The following ADGRL1 variants were observed in gnomAD, a reference collection of about 807,000 sequenced individuals.
ADGRL1 encodes adhesion G protein-coupled receptor L1, also known as CIRL-1.
Under a neutral mutation model 148.9 loss-of-function variants are expected in ADGRL1, and 31 were observed. The observed-to-expected ratio is 0.21, with a 90% CI of 0.16 to 0.28. The LOEUF is 0.28. Among genes scored for constraint, ADGRL1 ranks in the 10% least tolerant of loss-of-function variants. The pLI is 1.00. For synonymous variants in ADGRL1, 937 were observed against 900.3 expected, an observed-to-expected ratio of 1.04 and a Z score of -0.73; for missense variants, 1,521 against 2,058.8, an observed-to-expected ratio of 0.74 and a Z score of 5.05.
chr19:14,153,758 C>T (rs1197718684), intron 18 of ADGRL1, among the ~76,000 whole-genome samples: 4 of 150,686 alleles, frequency 2.7e-5, no homozygotes, highest in Non-Finnish European at 5.9e-5. Flanking sequence ...CGAGACCAGC[C>T]TGGGCAACAT....
rs765071246 is a variant in ADGRL1 at position 14,156,159 on chromosome 19, G to A, written c.3076C>T (p.Arg1026Ter). ...TCGGGCTTGAGCACAGATGAGCTTC[G>A]GATCATCTTGTGCAGGGTCACCATG... ...FLMVTLHKMI[R>*]SSSVLKPDSS... is the part of the protein sequence containing the mutation. Residue 1026 changes from arginine to a stop codon, truncating the protein, a stop_gained, in exon 17 of 23, where the codon CGA (arginine) becomes TGA (stop). Coordinates refer to ENST00000361434, the MANE Select transcript of ADGRL1 (RefSeq NM_014921.5). LOFTEE classifies it high-confidence loss of function. The A allele has an allele frequency of 6.2e-7, 1 of 1,612,644 alleles. No homozygotes were observed.
chr19:14,154,655 G>A (rs1018881847), intron 18 of ADGRL1, among the ~76,000 whole-genome samples: 7 of 151,894 alleles, frequency 4.6e-5, no homozygotes, highest in Admixed American at 2.6e-4. Context: ...TGCCCAGACT[G>A]GAGTGCAGTG....
chr19:14,163,502 G>GC, intron 4 of ADGRL1, 96 bp from the exon 5 acceptor site: 1 of 906,384 alleles, frequency 1.1e-6, no homozygotes, highest in South Asian at 1.8e-5. Context: ...GAGAGAGGGG[G>GC]GAGAGAGGCA....
chr19:14,150,606 C>T lies in ADGRL1; in HGVS notation c.*267G>A. 2.0e-6 allele frequency: 1 copy of T among 504,106 alleles called. No homozygotes were observed. Among genetic ancestry groups the T allele is most frequent in the Non-Finnish European group, 3.5e-6 (1 of 286,050 alleles). 31.2% of individuals were successfully genotyped at this position (504,106 alleles called of 1,614,324 possible). On this transcript the variant is annotated 3_prime_UTR_variant, in exon 23 of 23. Coordinates refer to ENST00000361434, the MANE Select transcript of ADGRL1 (RefSeq NM_014921.5). ...CCTTCCAAGTTCTCCCTCCTCACTC[C>T]CCTGGGGTCCTCTGGGCTCCTCCTC... is the stretch of plus-strand genomic sequence containing the variant.
chr19:14,153,741 A>G (rs988078098), intron 18 of ADGRL1, among the ~76,000 whole-genome samples: 2 of 150,344 alleles, frequency 1.3e-5, no homozygotes, highest in African/African-American at 4.9e-5. Flanking sequence ...ACCTGAGGTC[A>G]GGAGTTCGAG....
chr19:14,172,449 G>C (rs902062653), intron 3 of ADGRL1, among the ~76,000 whole-genome samples: 1 of 151,584 alleles, frequency 6.6e-6, no homozygotes, highest in African/African-American at 2.4e-5. Context: ...ACAAAAAATA[G>C]AACACTGGGG....
chr19:14,175,959 C>T (rs562068647), intron 3 of ADGRL1, among the ~76,000 whole-genome samples: 32 of 152,144 alleles, frequency 2.1e-4, no homozygotes, highest in Middle Eastern at 3.4e-3. Context: ...GAGGCTGAGG[C>T]GGGAGAATTG....
chr19:14,197,808 G>T (rs1599520965), intron 1 of ADGRL1, among the ~76,000 whole-genome samples: 1 of 152,136 alleles, frequency 6.6e-6, no homozygotes, highest in East Asian at 1.9e-4. Flanking sequence ...CCCAACCCTG[G>T]GCAAGGAGTG....
chr19:14,160,825 C>G lies in ADGRL1; in HGVS notation c.1511-129G>C. 1 of 695,216 alleles carries G rather than the reference C, an allele frequency of 1.4e-6. No homozygotes were observed. 43.1% of individuals were successfully genotyped at this position (695,216 alleles called of 1,614,324 possible). A position where few individuals can be genotyped will look rare whatever the true frequency, so the allele number is the denominator to read the frequency against. The stretch of plus-strand genomic sequence containing the variant: ...GGCGAAGAGGGAGGTGAGGGAAACA[C>G]GGAGAAACAGACATGAAGCGGGCTG... On this transcript the variant is annotated intron_variant, in intron 6 of 22. Coordinates refer to ENST00000361434, the MANE Select transcript of ADGRL1 (RefSeq NM_014921.5). The surrounding 1 kb of genome is among the most constrained non-coding windows in gnomAD (Gnocchi z 5.9).
In ADGRL1 at chr19:14,155,419, G is replaced by T. The variant is rs759614827; in HGVS notation, c.3234C>A (p.Thr1078=). 67 of 1,614,040 alleles carry T rather than the reference G, an allele frequency of 4.2e-5. No individual in the cohort carries two copies. Among genetic ancestry groups the T allele is most frequent in the Non-Finnish European group, 5.6e-5 (66 of 1,180,012 alleles). Residue 1078 remains threonine, a synonymous_variant, in exon 18 of 23, where the codon ACC becomes ACA. Coordinates refer to ENST00000361434, the MANE Select transcript of ADGRL1 (RefSeq NM_014921.5). This position sits in a 1 kb window ranked among gnomAD's most constrained non-coding sequence, Gnocchi z 5.0. ...KESVVMAYLF[T]TFNAFQGVFI... ...AGACCCCCTGGAAGGCGTTGAAGGT[G>T]GTGAAGAGATAGGCCATGACCACCG...
At chr19:14,183,010 C>T (rs939718821) in intron 2 of ADGRL1, among the ~76,000 whole-genome samples, 4 of 151,936 alleles carry the variant, frequency 2.6e-5, no homozygotes, top group African/African-American at 7.3e-5. Flanking sequence ...GGGCTGGTCA[C>T]GGGGCCAGTA....
chr19:14,205,693 G>A (rs1283109774), intron 1 of ADGRL1, among the ~76,000 whole-genome samples: 1 of 151,310 alleles, frequency 6.6e-6, no homozygotes, highest in African/African-American at 2.4e-5. Flanking sequence ...GCACACTCGC[G>A]GTCCCCTCCC....
Position 14,156,732 on chromosome 19 carries a change from G to A in ADGRL1, c.2967-8C>T. The A allele has an allele frequency of 6.2e-7, 1 of 1,607,410 alleles. No individual in the cohort carries two copies. ...TCCACTCGGAGCCAGCAGCTGTAAAGGAAACAGGGCCGGGGTATAGAGAGA... is the reference window on the plus strand; with the variant it reads ...TCCACTCGGAGCCAGCAGCTGTAAAAGAAACAGGGCCGGGGTATAGAGAGA... On this transcript the variant is annotated splice_polypyrimidine_tract_variant and splice_region_variant and intron_variant, in intron 15 of 22. Coordinates refer to ENST00000361434, the MANE Select transcript of ADGRL1 (RefSeq NM_014921.5).
In ADGRL1 at chr19:14,160,359, C is replaced by G; in HGVS notation, c.1615-62G>C. 3.4e-6 allele frequency: 5 copies of G among 1,477,474 alleles called. No homozygotes were observed. Among genetic ancestry groups the G allele is most frequent in the Non-Finnish European group, 4.6e-6 (5 of 1,086,112 alleles). 91.5% of individuals were successfully genotyped at this position (1,477,474 alleles called of 1,614,324 possible). On this transcript the variant is annotated intron_variant, in intron 7 of 22. Coordinates refer to ENST00000361434, the MANE Select transcript of ADGRL1 (RefSeq NM_014921.5). The surrounding 1 kb of genome is among the most constrained non-coding windows in gnomAD (Gnocchi z 5.9). ...ACTGTCAGGGACCATCCTGCCCTCCCCGGCTTCCCTGGCCTGTGCAGCCTC... is the reference window on the plus strand; with the variant it reads ...ACTGTCAGGGACCATCCTGCCCTCCGCGGCTTCCCTGGCCTGTGCAGCCTC...
At position 14,156,641 on chromosome 19, in the gene ADGRL1, G is replaced by A. The variant is rs1157194605; in HGVS notation, c.3033+17C>T. 1 of 1,607,112 alleles carries A rather than the reference G, an allele frequency of 6.2e-7. No homozygotes were observed. The highest frequency in any genetic ancestry group is 1.1e-5 in the South Asian group (1 of 90,144). On this transcript the variant is annotated intron_variant, in intron 16 of 22. Coordinates refer to ENST00000361434, the MANE Select transcript of ADGRL1 (RefSeq NM_014921.5). ...TGAAGGAAGATGTGGTGCTAGGGGT[G>A]TCACCTCCCAACTCACCACGATAAC...
chr19:14,151,039 G>A lies in ADGRL1; in HGVS notation c.4244C>T (p.Pro1415Leu), dbSNP rs762216570. 4.6e-5 allele frequency: 69 copies of A among 1,505,858 alleles called. No homozygotes were observed. Among genetic ancestry groups the A allele is most frequent in the Non-Finnish European group, 6.0e-5 (68 of 1,124,842 alleles). The allele number at this position is 1,505,858 out of a possible 1,614,324, so 93.3% of individuals were successfully genotyped here. A position where few individuals can be genotyped will look rare whatever the true frequency, so the allele number is the denominator to read the frequency against. Residue 1415 changes from proline (P) to leucine (L), a missense_variant, in exon 23 of 23, where the codon CCC (proline) becomes CTC (leucine). Physicochemically the swap from Pro to Leu is moderately conservative, Grantham distance 98. Coordinates refer to ENST00000361434, the MANE Select transcript of ADGRL1 (RefSeq NM_014921.5). Reference protein sequence around the residue: ...PPPPPAPPGPPEIYYTSRPPA... With the variant: ...PPPPPAPPGPLEIYYTSRPPA... ...CGGGCGCGAGGTGTAGTAGATTTCG[G>A]GGGGGCCGGGGGGTGCGGGAGGGGG...
Position 14,157,770 on chromosome 19 carries a change from A to C in ADGRL1, c.2535+112T>G. The C allele has an allele frequency of 7.4e-7, 1 of 1,348,990 alleles. No individual in the cohort carries two copies. The highest frequency in any genetic ancestry group is 2.5e-5 in the Admixed American group (1 of 40,696). The allele number at this position is 1,348,990 out of a possible 1,614,324, so 83.6% of individuals were successfully genotyped here. On this transcript the variant is annotated intron_variant, in intron 13 of 22. Transcript: ENST00000361434. The surrounding 1 kb of genome is among the most constrained non-coding windows in gnomAD (Gnocchi z 7.5). ...CCCCAGGCAAGACCAGGGGCCCCCC[A>C]CACCCATGGGGCTAGCCTCCCCTGG...
At chr19:14,173,841 C>T (rs186531843) in intron 3 of ADGRL1, among the ~76,000 whole-genome samples, 4 of 147,588 alleles carry the variant, frequency 2.7e-5, no homozygotes, top group African/African-American at 5.0e-5. Context: ...CAGCCACTTG[C>T]GAGGCTGAAG....
chr19:14,202,828 G>A (rs1972703115), intron 1 of ADGRL1, among the ~76,000 whole-genome samples: 1 of 151,654 alleles, frequency 6.6e-6, no homozygotes, highest in African/African-American at 2.4e-5. Flanking sequence ...CACCCCCTCT[G>A]CAAAACACAA....
Sources: allele counts gnomAD v4.1 joint callset (sites outside exome capture counted in the v4.1 genomes callset), GRCh38; gene constraint gnomAD v4.1.1; non-coding constraint Gnocchi (gnomAD v3.1); transcripts MANE v1.5; gene names NCBI Gene and HGNC (gene_info 2026-07-23, HGNC 2026-07-21).